Variants in RP1 observed in about 807,000 individuals in gnomAD.
RP1 encodes the protein oxygen-regulated protein 1.
Under a neutral mutation model 14.8 loss-of-function variants are expected in RP1, and 16 were observed. That is an observed-to-expected ratio of 1.08 (90% CI 0.73 to 1.65). The LOEUF is 1.65. Among genes scored for constraint, RP1 ranks in the 40% most tolerant of loss-of-function variants. RP1 has a pLI of 0.00. For missense variants in RP1, 2,631 were observed against 2,535.0 expected (o/e 1.04, Z -0.81); for synonymous variants, 876 against 883.6 (o/e 0.99, Z 0.15).
chr8:54,866,179 T>C (rs1262510066), intron 28 of RP1, among the ~76,000 whole-genome samples: 2 of 152,174 alleles, frequency 1.3e-5, no homozygotes, highest in Non-Finnish European at 2.9e-5. Context: ...AGAAAACAGG[T>C]TCTTCTTTCT....
chr8:54,660,508 A>G (rs1011818547), intron 6 of RP1, among the ~76,000 whole-genome samples: 4 of 152,126 alleles, frequency 2.6e-5, no homozygotes, highest in African/African-American at 9.7e-5. Flanking sequence ...CCATCCTTGT[A>G]TATCTAGGTA....
At chr8:54,568,852 A>T (rs564625484) in intron 1 of RP1, among the ~76,000 whole-genome samples, 1 of 152,370 alleles carries the variant, frequency 6.6e-6, no homozygotes, top group African/African-American at 2.4e-5. Context: ...TTTGGAAATC[A>T]CTGGCATTAT....
intron 12 of RP1, among the ~76,000 whole-genome samples, chr8:54,698,096 G>A (rs1325868806): frequency 6.6e-6 from 1 of 152,134 alleles, no homozygotes; most frequent in African/African-American, 2.4e-5. Context: ...TCATCAGAGT[G>A]AACAGGCCAC....
chr8:54,644,793 A>G, intron 3 of RP1, among the ~76,000 whole-genome samples: 1 of 152,202 alleles, frequency 6.6e-6, no homozygotes, highest in East Asian at 1.9e-4. Context: ...GAAATCTGAA[A>G]TCAGAGTCAG....
At chr8:54,781,854 A>T (rs184785756) in intron 23 of RP1, among the ~76,000 whole-genome samples, 2 of 152,308 alleles carry the variant, frequency 1.3e-5, no homozygotes, top group East Asian at 3.9e-4. Flanking sequence ...TGTCATCGTG[A>T]CATGCTAATT....
chr8:54,719,153 A>G (rs745702884), intron 15 of RP1, among the ~76,000 whole-genome samples: 2 of 152,078 alleles, frequency 1.3e-5, no homozygotes, highest in African/African-American at 2.4e-5. Flanking sequence ...CATGCTGCCT[A>G]TGGCCCCTCT....
intron 25 of RP1, among the ~76,000 whole-genome samples, chr8:54,838,265 G>A (rs1811709074): frequency 6.6e-6 from 1 of 152,160 alleles, no homozygotes; most frequent in Admixed American, 6.5e-5. Flanking sequence ...CCTTTACTGA[G>A]TATTTTTTCT....
intron 6 of RP1, among the ~76,000 whole-genome samples, chr8:54,663,316 C>T (rs1049020871): frequency 3.3e-5 from 5 of 151,778 alleles, no homozygotes; most frequent in South Asian, 2.1e-4. Flanking sequence ...AAAGAGAAGC[C>T]GTAAAGTACT....
intron 3 of RP1, among the ~76,000 whole-genome samples, chr8:54,638,038 T>A (rs1023779918): frequency 4.6e-5 from 7 of 152,204 alleles, no homozygotes; most frequent in Non-Finnish European, 8.8e-5. Context: ...TCCTGAGCTA[T>A]CCCTCAGCAA....
chr8:54,865,802 A>T, intron 27 of RP1: 1 of 824,918 alleles, frequency 1.2e-6, no homozygotes, highest in Non-Finnish European at 1.6e-6. Context: ...TAAGCTAAAG[A>T]GTTAAATAAA....
chr8:54,573,134 G>C (rs1563315411), intron 1 of RP1, among the ~76,000 whole-genome samples: 1 of 152,114 alleles, frequency 6.6e-6, no homozygotes, highest in Non-Finnish European at 1.5e-5. Flanking sequence ...TGTGCCTCTT[G>C]ATTGTGAGAA....
At chr8:54,589,579 C>T (rs1804999891) in intron 1 of RP1, among the ~76,000 whole-genome samples, 1 of 152,182 alleles carries the variant, frequency 6.6e-6, no homozygotes, top group Non-Finnish European at 1.5e-5. Context: ...TGCTGCTCAG[C>T]TCTTCCTGAT....
chr8:54,656,227 T>G, intron 6 of RP1: 1 of 1,532,628 alleles, frequency 6.5e-7, no homozygotes, highest in Non-Finnish European at 8.7e-7. Context: ...TAGGAAAGAT[T>G]CAACTCCAGG....
At chr8:54,766,060 G>A (rs1809753152) in intron 22 of RP1, among the ~76,000 whole-genome samples, 1 of 152,238 alleles carries the variant, frequency 6.6e-6, no homozygotes, top group Non-Finnish European at 1.5e-5. Flanking sequence ...AAACACAGTG[G>A]AATCTCAAGC....
intron 7 of RP1, among the ~76,000 whole-genome samples, chr8:54,664,001 CT>C (rs1806955349): frequency 6.6e-6 from 1 of 152,160 alleles, no homozygotes; most frequent in African/African-American, 2.4e-5. Context: ...ATCATCAGAA[CT>C]TTTTCATCTT....
intron 24 of RP1, among the ~76,000 whole-genome samples, chr8:54,830,792 C>T (rs1305088294): frequency 1.3e-5 from 2 of 152,070 alleles, no homozygotes; most frequent in Non-Finnish European, 2.9e-5. Flanking sequence ...CAGCCACTAC[C>T]CTGTCTAGTT....
intron 24 of RP1, among the ~76,000 whole-genome samples, chr8:54,828,523 G>A (rs1009040038): frequency 6.6e-6 from 1 of 152,070 alleles, no homozygotes; most frequent in Non-Finnish European, 1.5e-5. Flanking sequence ...AGGAGTAGAA[G>A]CTTCCTGAAA....
intron 23 of RP1, chr8:54,783,529 C>G: frequency 8.2e-7 from 1 of 1,215,934 alleles, no homozygotes; most frequent in Non-Finnish European, 1.0e-6. Context: ...TTATATTGAT[C>G]TCCTTTTTCC....
At chr8:54,780,148 C>T (rs1011604197) in intron 23 of RP1, among the ~76,000 whole-genome samples, 4 of 152,216 alleles carry the variant, frequency 2.6e-5, no homozygotes, top group African/African-American at 9.6e-5. Flanking sequence ...AACTACTCAA[C>T]TCTGTTGTTG....
Sources: allele counts gnomAD v4.1 joint callset (sites outside exome capture counted in the v4.1 genomes callset), GRCh38; gene constraint gnomAD v4.1.1; transcripts MANE v1.5; gene names NCBI Gene and HGNC (gene_info 2026-07-23, HGNC 2026-07-21).